The following KNTC1 variants were observed in gnomAD, a reference collection of about 807,000 sequenced individuals.
KNTC1 encodes the protein kinetochore associated 1, also known as kinetochore-associated protein 1.
A neutral mutation model predicts 314.4 loss-of-function variants in KNTC1; 253 were observed. The ratio of observed to expected loss-of-function variants is 0.80; its 90% CI spans 0.73 to 0.89. KNTC1 has a LOEUF of 0.89. Ranked by LOEUF, KNTC1 falls within the 40% of genes least tolerant of loss-of-function variation. KNTC1 has a pLI of 0.00. For synonymous variants in KNTC1, 901 were observed against 901.4 expected, an observed-to-expected ratio of 1.00 and a Z score of 0.01; for missense variants, 2,475 against 2,572.9, an observed-to-expected ratio of 0.96 and a Z score of 0.82.
Position 122,605,202 on chromosome 12 carries a change from T to C in KNTC1, c.5387-104T>C. On this transcript the variant is annotated intron_variant, in intron 50 of 63. Coordinates refer to ENST00000333479, the MANE Select transcript of KNTC1 (RefSeq NM_014708.6). ...ACTTACATATGCTTATATATGTATA[T>C]ACTTATATGTGTATGTATGTGCATA... The C allele has an allele frequency of 4.7e-6, 5 of 1,062,508 alleles. No individual in the cohort carries two copies. In the East Asian group the frequency reaches 1.0e-4, roughly 22 times the overall value. 65.8% of individuals were successfully genotyped at this position (1,062,508 alleles called of 1,614,324 possible).
Position 122,613,828 on chromosome 12 carries a change from AG to A in KNTC1, c.5877+69del, listed in dbSNP as rs1873451046. ...ACTCAGAATCCTGAAAGAGAAAACC[AG>A]GAACAGTCTTTTTGTTGTTGTTGTT... is the stretch of plus-strand genomic sequence containing the variant. On this transcript the variant is annotated intron_variant, in intron 55 of 63. Coordinates refer to ENST00000333479, the MANE Select transcript of KNTC1 (RefSeq NM_014708.6). 6 of 1,462,026 alleles carry A rather than the reference AG, an allele frequency of 4.1e-6. No homozygotes were observed. The Middle Eastern group carries it at 5.4e-4, about 131-fold the overall frequency. 90.6% of individuals were successfully genotyped at this position (1,462,026 alleles called of 1,614,324 possible).
At chr12:122,559,329 G>C (rs1170330792) in intron 18 of KNTC1, among the ~76,000 whole-genome samples, 1 of 151,966 alleles carries the variant, frequency 6.6e-6, no homozygotes, top group Non-Finnish European at 1.5e-5. Flanking sequence ...AACGGAGCAA[G>C]ACTCTGTCCC....
At chr12:122,612,205 A>G (rs1873213348) in intron 53 of KNTC1, among the ~76,000 whole-genome samples, 2 of 150,974 alleles carry the variant, frequency 1.3e-5, no homozygotes, top group South Asian at 4.2e-4. Context: ...AGCTGGGATT[A>G]CAGGCGCACG....
Position 122,594,745 on chromosome 12 carries a change from A to C in KNTC1, c.4355+360A>C, listed in dbSNP as rs1425753712. 1.3e-5 allele frequency among the ~76,000 whole-genome samples: 2 copies of C among 152,246 alleles called. 1 individual carries two copies. The highest frequency in any genetic ancestry group is 4.1e-4 in the South Asian group (2 of 4,832). The stretch of plus-strand genomic sequence containing the variant: ...TTCCTATGATCAGAAAAGTTGGAGA[A>C]TATTCTTCTGAGTAATAAACTTCTA... On this transcript the variant is annotated intron_variant, in intron 43 of 63. Transcript: ENST00000333479.
At chr12:122,562,722 T>G in intron 20 of KNTC1, 23 bp downstream of exon 20, 1 of 1,492,700 alleles carries the variant, frequency 6.7e-7, no homozygotes. Flanking sequence ...TTGTTAAAAC[T>G]TTTTAGGCCA....
chr12:122,529,699 G>A (rs560071276), intron 1 of KNTC1, among the ~76,000 whole-genome samples: 1 of 152,078 alleles, frequency 6.6e-6, no homozygotes, highest in Admixed American at 6.5e-5. Flanking sequence ...TATAATTAAA[G>A]GTTTATTTCT....
chr12:122,598,587 A>G (rs538692157), intron 44 of KNTC1, among the ~76,000 whole-genome samples: 2 of 151,384 alleles, frequency 1.3e-5, no homozygotes, highest in East Asian at 3.9e-4. Context: ...TGCCTGGCTC[A>G]TTTTTGTATT....
At chr12:122,544,091 G>C in intron 7 of KNTC1, 68 bp from the exon 8 acceptor site, 2 of 666,566 alleles carry the variant, frequency 3.0e-6, no homozygotes, top group East Asian at 3.0e-5. Flanking sequence ...GATATCAACT[G>C]ATTTTAGTGA....
At chr12:122,579,356 G>A (rs1324875712) in intron 31 of KNTC1, among the ~76,000 whole-genome samples, 2 of 151,958 alleles carry the variant, frequency 1.3e-5, no homozygotes, top group Admixed American at 6.6e-5. Flanking sequence ...GAGCCACCGC[G>A]CCCGGCCCGT....
intron 45 of KNTC1, 74 bp downstream of exon 45, chr12:122,601,699 A>G (rs1424076423): frequency 2.9e-5 from 37 of 1,290,552 alleles, no homozygotes; most frequent in Non-Finnish European, 3.7e-5. Context: ...ATCATTATCC[A>G]GGGCCTTTCC....
intron 5 of KNTC1, among the ~76,000 whole-genome samples, 185 bp downstream of exon 5, chr12:122,539,939 C>T (rs1355653676): frequency 6.6e-6 from 1 of 151,458 alleles, no homozygotes; most frequent in East Asian, 1.9e-4. Flanking sequence ...GCCACCACGC[C>T]CGGCTAATTT....
At chr12:122,594,211 C>T (rs988487430) in intron 42 of KNTC1, 65 bp from the exon 43 acceptor site, 1 of 879,846 alleles carries the variant, frequency 1.1e-6, no homozygotes, top group Non-Finnish European at 1.9e-6. Flanking sequence ...CATGATGTTG[C>T]CCTTACTCTG....
At chr12:122,558,771 C>T (rs1963774243) in intron 18 of KNTC1, among the ~76,000 whole-genome samples, 1 of 150,602 alleles carries the variant, frequency 6.6e-6, no homozygotes, top group South Asian at 2.1e-4. Flanking sequence ...AGCTACTTGG[C>T]AGGCTGAGGC....
chr12:122,570,376 G>A (rs1299910862), intron 22 of KNTC1, among the ~76,000 whole-genome samples: 4 of 151,716 alleles, frequency 2.6e-5, no homozygotes, highest in South Asian at 2.1e-4. Context: ...AAAATTAGCC[G>A]GGCATGGTGG....
At chr12:122,566,758 G>GTT (rs35657504) in intron 20 of KNTC1, among the ~76,000 whole-genome samples, 1,462 of 92,420 alleles carry the variant, frequency 0.016, 41 homozygotes, top group East Asian at 0.023. Flanking sequence ...GTCCAGGCTG[G>GTT]TTTTTTTTTT....
chr12:122,600,078 T>C (rs943102754), intron 44 of KNTC1, among the ~76,000 whole-genome samples: 1 of 151,994 alleles, frequency 6.6e-6, no homozygotes, highest in African/African-American at 2.4e-5. Flanking sequence ...AAGAGAAGAC[T>C]TCCTTTTTTT....
intron 24 of KNTC1, among the ~76,000 whole-genome samples, chr12:122,572,453 T>A (rs1181316709): frequency 6.6e-6 from 1 of 152,186 alleles, no homozygotes; most frequent in African/African-American, 2.4e-5. Flanking sequence ...ATATTAGTTT[T>A]CAAAGGTTGT....
intron 18 of KNTC1, among the ~76,000 whole-genome samples, chr12:122,559,948 A>G (rs1444700849): frequency 6.6e-6 from 1 of 151,776 alleles, no homozygotes; most frequent in African/African-American, 2.4e-5. Flanking sequence ...CATCTCCCCA[A>G]CTCTTTTCAT....
At position 122,546,618 on chromosome 12, in the gene KNTC1, G is replaced by T; in HGVS notation, c.764-4G>T. 1 of 1,562,420 alleles carries T rather than the reference G, an allele frequency of 6.4e-7. No individual in the cohort carries two copies. The highest frequency in any genetic ancestry group is 8.7e-7 in the Non-Finnish European group (1 of 1,143,774). On this transcript the variant is annotated splice_polypyrimidine_tract_variant and splice_region_variant and intron_variant, in intron 9 of 63. Coordinates refer to ENST00000333479, the MANE Select transcript of KNTC1 (RefSeq NM_014708.6). Reference sequence around the variant, plus strand: ...CCTGAGACATCTTATTTTCTCTTTTGTAGGTGCAAAGAAGTTCCAGCTGAT... The same window carrying T: ...CCTGAGACATCTTATTTTCTCTTTTTTAGGTGCAAAGAAGTTCCAGCTGAT...
Sources: gnomAD v4.1 joint callset for allele counts (sites outside exome capture counted in the v4.1 genomes callset) on GRCh38, gnomAD v4.1.1 for gene constraint, MANE v1.5 for transcripts, NCBI Gene and HGNC (gene_info 2026-07-23, HGNC 2026-07-21) for gene names.